ARSG: variants seen among roughly 807,000 people sequenced by gnomAD.
ARSG encodes the protein arylsulfatase G.
A neutral mutation model predicts 50.5 loss-of-function variants in ARSG; 37 were observed. The observed-to-expected ratio is 0.73, with a 90% confidence interval of 0.56 to 0.96. ARSG has a LOEUF of 0.96. Among genes scored for constraint, ARSG ranks in the 50% least tolerant of loss-of-function variants. The probability of loss-of-function intolerance (pLI) is 0.00; values close to 1 mark genes in which losing one functional copy is unlikely to be tolerated. For missense variants in ARSG, 629 were observed against 675.3 expected (o/e 0.93, Z 0.76); for synonymous variants, 225 against 254.6 (o/e 0.88, Z 1.11).
chr17:68,319,032 C>T (rs975502884), intron 2 of ARSG, among the ~76,000 whole-genome samples: 6 of 152,180 alleles, frequency 3.9e-5, no homozygotes, highest in African/African-American at 7.2e-5. Flanking sequence ...ATGGAAGATG[C>T]GAACCAGGTT....
the ARSG span, among the ~76,000 whole-genome samples, chr17:68,447,968 G>C: frequency 4.1e-5 from 5 of 122,458 alleles, no homozygotes; most frequent in Non-Finnish European, 8.0e-5. Context: ...CTGGGCAACA[G>C]AGTGAGACTC....
intron 6 of ARSG, among the ~76,000 whole-genome samples, chr17:68,368,058 G>A (rs973435313): frequency 1.3e-5 from 2 of 152,084 alleles, no homozygotes; most frequent in Non-Finnish European, 2.9e-5. Flanking sequence ...CGACAAGAGT[G>A]CGACTCTGTC....
chr17:68,387,561 A>G (rs1292493149), intron 9 of ARSG, among the ~76,000 whole-genome samples: 4 of 152,228 alleles, frequency 2.6e-5, no homozygotes, highest in African/African-American at 2.4e-5. Context: ...CTGCCTGGAC[A>G]GGCTGTGTGT....
chr17:68,373,693 A>G (rs1236757898), intron 8 of ARSG, among the ~76,000 whole-genome samples: 1 of 151,904 alleles, frequency 6.6e-6, no homozygotes, highest in Non-Finnish European at 1.5e-5. Context: ...AGATTATTTT[A>G]TCTCTTGGAG....
chr17:68,365,554 C>T (rs906100789), intron 6 of ARSG, among the ~76,000 whole-genome samples: 2 of 152,206 alleles, frequency 1.3e-5, no homozygotes, highest in African/African-American at 4.8e-5. Context: ...CTCTGTAAGC[C>T]TCTGGCTCAG....
Position 68,381,961 on chromosome 17 carries a change from C to CTTTTT in ARSG, c.983-3094_983-3090dup, listed in dbSNP as rs71293553. 1.4e-3 allele frequency among the ~76,000 whole-genome samples: 203 copies of CTTTTT among 142,602 alleles called. 4 individuals are homozygous for CTTTTT. The highest frequency in any genetic ancestry group is 3.6e-3 in the Middle Eastern group (1 of 278). 93.6% of individuals were successfully genotyped at this position (142,602 alleles called of 152,430 possible). ...TTGGCTCTATCATTTTCTTTCTTTC[C>CTTTTT]TTTTTTTTTTTTTGACAGAGTCTCT... On this transcript the variant is annotated intron_variant, in intron 8 of 11. Transcript: ENST00000621439. This position sits in a 1 kb window ranked among gnomAD's most constrained non-coding sequence, Gnocchi z 4.1.
chr17:68,434,824 C>T, the ARSG span, among the ~76,000 whole-genome samples: 2 of 152,168 alleles, frequency 1.3e-5, no homozygotes, highest in African/African-American at 4.8e-5. Flanking sequence ...CTCTGTCTAC[C>T]TTTTCCCTTC....
Position 68,378,418 on chromosome 17 carries a change from T to A in ARSG, c.983-6646T>A, listed in dbSNP as rs2080261592. On this transcript the variant is annotated intron_variant, in intron 8 of 11. Coordinates refer to ENST00000621439, the MANE Select transcript of ARSG (RefSeq NM_001267727.2). This position sits in a 1 kb window ranked among gnomAD's most constrained non-coding sequence, Gnocchi z 4.4. ...TCCTGGCCGAGCCGCCCAGCTCAGC[T>A]GATGGGATGAGGCAGCGTCTCCTGG... is the stretch of plus-strand genomic sequence containing the variant. 1.3e-5 allele frequency among the ~76,000 whole-genome samples: 2 copies of A among 152,216 alleles called. No homozygotes were observed. Among genetic ancestry groups the A allele is most frequent in the Non-Finnish European group, 1.5e-5 (1 of 68,040 alleles).
At chr17:68,355,883 T>C (rs2079012014) in intron 5 of ARSG, among the ~76,000 whole-genome samples, 2 of 152,070 alleles carry the variant, frequency 1.3e-5, no homozygotes, top group Admixed American at 6.6e-5. Context: ...TTCCTTTTTA[T>C]GTATTTATTT....
At chr17:68,331,207 T>TTCTC (rs2077735637) in intron 2 of ARSG, among the ~76,000 whole-genome samples, 1 of 36,766 alleles carries the variant, frequency 2.7e-5, no homozygotes, top group Admixed American at 2.9e-4. Flanking sequence ...CTTTCTTTCT[T>TTCTC]TCTTTCTTTC....
chr17:68,320,025 G>A (rs1216880044), intron 2 of ARSG, among the ~76,000 whole-genome samples: 6 of 152,182 alleles, frequency 3.9e-5, no homozygotes, highest in East Asian at 1.9e-4. Context: ...GGTGGCTGAC[G>A]CCTGTAATCC....
intron 8 of ARSG, among the ~76,000 whole-genome samples, chr17:68,371,271 C>G (rs1337875992): frequency 6.9e-6 from 1 of 145,810 alleles, no homozygotes; most frequent in Non-Finnish European, 1.5e-5. Context: ...AGAGACAGAG[C>G]TGAGATCTGC....
intron 1 of ARSG, among the ~76,000 whole-genome samples, chr17:68,278,527 G>A (rs1178165111): frequency 2.0e-5 from 3 of 151,872 alleles, no homozygotes; most frequent in African/African-American, 7.3e-5. Context: ...TCAGCTCACT[G>A]CAACCTCTGC....
the ARSG span, chr17:68,428,368 A>ACT: frequency 5.9e-6 from 1 of 168,334 alleles, no homozygotes; most frequent in East Asian, 1.7e-4. Flanking sequence ...AGCTGGGACT[A>ACT]CAGGTGTGTG....
In ARSG at chr17:68,383,355, C is replaced by G. The variant is rs752317074; in HGVS notation, c.983-1709C>G. Among the ~76,000 whole-genome samples, 14 of 152,240 alleles carry G rather than the reference C, an allele frequency of 9.2e-5. 1 individual carries two copies. Among genetic ancestry groups the G allele is most frequent in the Middle Eastern group, 3.2e-3 (1 of 316 alleles). On this transcript the variant is annotated intron_variant, in intron 8 of 11. Coordinates refer to ENST00000621439, the MANE Select transcript of ARSG (RefSeq NM_001267727.2). Reference sequence around the variant, plus strand: ...GGAGGCAGAGACCAAATCCTGTGTTCAACCCTGGTGCCATTGCCCACCCCA... The same window carrying G: ...GGAGGCAGAGACCAAATCCTGTGTTGAACCCTGGTGCCATTGCCCACCCCA...
In ARSG at chr17:68,319,095, A is replaced by G. The variant is rs183723130; in HGVS notation, c.218+11384A>G. ...GAGGTCTTGATATCTGGTGGACAGT[A>G]TGGGGACGAGGGCAGAAAGGACAGT... On this transcript the variant is annotated intron_variant, in intron 2 of 11. Transcript: ENST00000621439. 1.6e-3 allele frequency among the ~76,000 whole-genome samples: 244 copies of G among 152,298 alleles called. 1 individual carries two copies. Among genetic ancestry groups the G allele is most frequent in the African/African-American group, 5.5e-3 (230 of 41,560 alleles).
Position 68,315,905 on chromosome 17 carries a change from A to G in ARSG, c.218+8194A>G, listed in dbSNP as rs2077052335. Among the ~76,000 whole-genome samples the G allele has an allele frequency of 1.3e-5, 2 of 152,112 alleles. 1 individual carries two copies. Among genetic ancestry groups the G allele is most frequent in the South Asian group, 4.1e-4 (2 of 4,834 alleles). On this transcript the variant is annotated intron_variant, in intron 2 of 11. Coordinates refer to ENST00000621439, the MANE Select transcript of ARSG (RefSeq NM_001267727.2). Reference sequence around the variant, plus strand: ...CTCGGCCTCCCAAAGTGCTGGGATTACAAAGTGCGTGGGTGGCACCCAGGC... The same window carrying G: ...CTCGGCCTCCCAAAGTGCTGGGATTGCAAAGTGCGTGGGTGGCACCCAGGC...
intron 3 of ARSG, among the ~76,000 whole-genome samples, chr17:68,344,155 C>T (rs2078400967): frequency 6.6e-6 from 1 of 152,156 alleles, no homozygotes; most frequent in Non-Finnish European, 1.5e-5. Context: ...CGACTTTAGG[C>T]CCCTGAACCA....
chr17:68,343,501 A>C, intron 2 of ARSG, 103 bp from the exon 3 acceptor site: 1 of 1,163,930 alleles, frequency 8.6e-7, no homozygotes, highest in Non-Finnish European at 1.2e-6. Context: ...GTGATCTTTG[A>C]TCTTTGAGCA....
Sources: allele counts gnomAD v4.1 joint callset (sites outside exome capture counted in the v4.1 genomes callset), GRCh38; gene constraint gnomAD v4.1.1; non-coding constraint Gnocchi (gnomAD v3.1); transcripts MANE v1.5; gene names NCBI Gene and HGNC (gene_info 2026-07-23, HGNC 2026-07-21).